The following CADPS2 variants were observed in gnomAD, a reference collection of about 807,000 sequenced individuals.
CADPS2 encodes the protein calcium dependent secretion activator 2.
A neutral mutation model predicts 172.5 loss-of-function variants in CADPS2; 93 were observed. That is an observed-to-expected ratio of 0.54 (90% CI 0.46 to 0.64). The LOEUF is 0.64. Ranked by LOEUF, CADPS2 falls within the 30% of genes least tolerant of loss-of-function variation. The pLI, the probability that CADPS2 is intolerant of heterozygous loss-of-function variation, is 0.00. For missense variants in CADPS2, 1,420 were observed against 1,565.9 expected, an observed-to-expected ratio of 0.91 and a Z score of 1.57; for synonymous variants, 546 against 555.2, an observed-to-expected ratio of 0.98 and a Z score of 0.23.
intron 28 of CADPS2, among the ~76,000 whole-genome samples, chr7:122,333,090 G>A (rs906638545): frequency 2.0e-5 from 3 of 152,124 alleles, no homozygotes; most frequent in Non-Finnish European, 2.9e-5. Context: ...GATAAATCCA[G>A]TTATAATGGT....
At chr7:122,499,787 A>G (rs984715686) in intron 9 of CADPS2, among the ~76,000 whole-genome samples, 2 of 152,220 alleles carry the variant, frequency 1.3e-5, no homozygotes, top group Non-Finnish European at 2.9e-5. Context: ...GGACCTCTAC[A>G]AAGTAATACT....
At chr7:122,674,163 TGTCCTGCAAGCGCCCCGCACAGCCCCG>T (rs1344471448) in intron 2 of CADPS2, among the ~76,000 whole-genome samples, 1 of 152,080 alleles carries the variant, frequency 6.6e-6, no homozygotes, top group Non-Finnish European at 1.5e-5. Context: ...GAACTCACGC[TGTCCTGCAAGCGCCCCGCACAGCCCCG>T]GGTCCCCGCC....
intron 2 of CADPS2, chr7:122,702,549 G>C: frequency 6.2e-7 from 1 of 1,613,520 alleles, no homozygotes; most frequent in Non-Finnish European, 8.5e-7. Flanking sequence ...ACCCTTTCCA[G>C]AGGAGAATGA....
rs763061134 is a variant in CADPS2, at chr7:122,551,957, C to T, written c.1475+2593G>A. On this transcript the variant is annotated intron_variant, in intron 8 of 29. Transcript: ENST00000449022. The stretch of plus-strand genomic sequence containing the variant: ...ATTGATGAAGTACCTCAGAAAAAGA[C>T]GAATATAGCTATGCTGTAGGTGAAA... Among the ~76,000 whole-genome samples, 12 of 152,042 alleles carry T rather than the reference C, an allele frequency of 7.9e-5. No homozygotes were observed. The South Asian group carries it at 8.3e-4, about 10-fold the overall frequency.
At chr7:122,442,174 G>C (rs2051440902) in intron 15 of CADPS2, among the ~76,000 whole-genome samples, 1 of 152,182 alleles carries the variant, frequency 6.6e-6, no homozygotes. Flanking sequence ...ACAGGTCATG[G>C]GGATGTTCTG....
intron 25 of CADPS2, among the ~76,000 whole-genome samples, chr7:122,362,644 C>T (rs1364978752): frequency 6.6e-6 from 1 of 152,104 alleles, no homozygotes; most frequent in Non-Finnish European, 1.5e-5. Context: ...ACTATTGACA[C>T]ATTATAGATT....
chr7:122,426,596 C>T (rs2049201947), intron 17 of CADPS2, among the ~76,000 whole-genome samples: 1 of 152,208 alleles, frequency 6.6e-6, no homozygotes, highest in African/African-American at 2.4e-5. Context: ...ACTTATAAAC[C>T]CTGTTGATAA....
At chr7:122,804,561 T>C (rs191708893) in intron 1 of CADPS2, among the ~76,000 whole-genome samples, 3 of 152,334 alleles carry the variant, frequency 2.0e-5, no homozygotes, top group South Asian at 2.1e-4. Context: ...GTCAAGAATG[T>C]TGGTAGAACT....
At chr7:122,339,412 C>T (rs1013647359) in intron 28 of CADPS2, among the ~76,000 whole-genome samples, 3 of 151,064 alleles carry the variant, frequency 2.0e-5, no homozygotes, top group Non-Finnish European at 4.4e-5. Context: ...AACTGTGTAT[C>T]GTGAAAGTTC....
At chr7:122,330,626 G>A (rs946810865) in intron 28 of CADPS2, 4 of 152,106 alleles carry the variant, frequency 2.6e-5, no homozygotes, top group African/African-American at 9.7e-5. Context: ...TAGGAGTAAG[G>A]GCTATATTTA....
At chr7:122,644,765 G>A (rs751001351) in intron 3 of CADPS2, among the ~76,000 whole-genome samples, 2 of 152,098 alleles carry the variant, frequency 1.3e-5, no homozygotes, top group Non-Finnish European at 2.9e-5. Flanking sequence ...AAGAACATAA[G>A]GAAATGAAGT....
intron 1 of CADPS2, among the ~76,000 whole-genome samples, chr7:122,819,288 G>A (rs892414240): frequency 7.9e-5 from 12 of 152,090 alleles, no homozygotes; most frequent in African/African-American, 1.7e-4. Context: ...ACTGAAAATC[G>A]GACTGTTCAA....
At chr7:122,724,819 A>T (rs1433781237) in intron 2 of CADPS2, among the ~76,000 whole-genome samples, 2 of 151,922 alleles carry the variant, frequency 1.3e-5, no homozygotes, top group Non-Finnish European at 2.9e-5. Context: ...ATTTCTAACC[A>T]TTTTTGAATC....
chr7:122,682,972 G>A (rs1241845002), intron 2 of CADPS2, among the ~76,000 whole-genome samples: 2 of 152,218 alleles, frequency 1.3e-5, no homozygotes, highest in Admixed American at 6.5e-5. Context: ...TTGCTGGAAC[G>A]GCCAGTTGCT....
intron 1 of CADPS2, among the ~76,000 whole-genome samples, chr7:122,740,479 A>G (rs1221615014): frequency 2.0e-5 from 3 of 152,204 alleles, no homozygotes; most frequent in Non-Finnish European, 2.9e-5. Flanking sequence ...GACTCCAACG[A>G]TATGACATTC....
chr7:122,863,095 T>A (rs1817383198), intron 1 of CADPS2, among the ~76,000 whole-genome samples: 2 of 152,202 alleles, frequency 1.3e-5, no homozygotes. Context: ...GATACAAGCA[T>A]CCTGTATTGA....
chr7:122,505,875 CAAGGT>C (rs2059574387), intron 9 of CADPS2, among the ~76,000 whole-genome samples: 3 of 152,092 alleles, frequency 2.0e-5, no homozygotes, highest in Non-Finnish European at 4.4e-5. Context: ...ATCCCCTTTG[CAAGGT>C]AATAATAAAT....
intron 6 of CADPS2, among the ~76,000 whole-genome samples, chr7:122,599,956 C>A (rs895557561): frequency 6.6e-6 from 1 of 151,686 alleles, no homozygotes; most frequent in Non-Finnish European, 1.5e-5. Flanking sequence ...CTTGCTCATC[C>A]ATGCCATATG....
intron 2 of CADPS2, among the ~76,000 whole-genome samples, chr7:122,715,586 A>G (rs6466837): frequency 0.99 from 150,970 of 152,230 alleles, 74,869 homozygotes; most frequent in Middle Eastern, 1. Context: ...GGTCTGAAGC[A>G]TACAGGGTCT....
Sources: allele counts gnomAD v4.1 joint callset (sites outside exome capture counted in the v4.1 genomes callset), GRCh38; gene constraint gnomAD v4.1.1; transcripts MANE v1.5; gene names NCBI Gene and HGNC (gene_info 2026-07-23, HGNC 2026-07-21).